The following FBXL18 variants were observed in gnomAD, a reference collection of about 807,000 sequenced individuals.
FBXL18 encodes F-box and leucine rich repeat protein 18.
FBXL18 carries 36 observed loss-of-function variants against 46.0 expected under a neutral mutation model. That is an observed-to-expected ratio of 0.78 (90% confidence interval 0.60 to 1.03). The LOEUF (loss-of-function observed/expected upper bound fraction) is 1.03. Among genes scored for constraint, FBXL18 ranks in the 50% least tolerant of loss-of-function variants. The pLI is 0.00. For synonymous variants in FBXL18, 557 were observed against 465.3 expected, an observed-to-expected ratio of 1.20 and a Z score of -2.54; for missense variants, 977 against 1,004.1, an observed-to-expected ratio of 0.97 and a Z score of 0.36.
At chr7:5,466,391 T>A (rs2128231536) in intron 4 of FBXL18, among the ~76,000 whole-genome samples, 1 of 152,276 alleles carries the variant, frequency 6.6e-6, no homozygotes, top group South Asian at 2.1e-4. Context: ...TTTCCTGGCC[T>A]TTGCCAGCTT....
rs953215942 is a variant in FBXL18, at chr7:5,481,134, C to T, written c.*641G>A. ...AGGCTCCAACCAGCAGTCCCAACCT[C>T]AGGGGACCTCTCTGGGGCCACAGGC... is the stretch of plus-strand genomic sequence containing the variant. On this transcript the variant is annotated 3_prime_UTR_variant, in exon 5 of 5. Transcript: ENST00000382368. The T allele has an allele frequency of 1.3e-5, 2 of 152,260 alleles. No individual in the cohort carries two copies. Among genetic ancestry groups the T allele is most frequent in the Non-Finnish European group, 1.5e-5 (1 of 68,142 alleles). The allele number at this position is 152,260 out of a possible 1,614,324, so 9.4% of individuals were successfully genotyped here.
chr7:5,462,037 C>G (rs928347766), intron 4 of FBXL18, among the ~76,000 whole-genome samples: 2 of 152,044 alleles, frequency 1.3e-5, no homozygotes, highest in African/African-American at 2.4e-5. Flanking sequence ...AGGTCGAGTT[C>G]GAGACTAGCC....
At chr7:5,483,692 C>G (rs548212490) in intron 4 of FBXL18, among the ~76,000 whole-genome samples, 5 of 151,434 alleles carry the variant, frequency 3.3e-5, no homozygotes, top group Non-Finnish European at 7.4e-5. Context: ...TGCAGTGAGC[C>G]GAGATTGCGC....
chr7:5,501,582 G>A lies in FBXL18; in HGVS notation c.687C>T (p.Asn229=). Residue 229 remains asparagine (N), a synonymous_variant, in exon 3 of 5, where the codon AAC becomes AAT. Transcript: ENST00000382368. ...CCAGGCGCGCATAGAAGACCCGCAG[G>A]TTCTGGTAGTGCGGCACGTTGCTCT... ...VGQSNVPHYQ[N]LRVFYARLAP... The A allele has an allele frequency of 6.2e-7, 1 of 1,613,926 alleles. No individual in the cohort carries two copies. Among genetic ancestry groups the A allele is most frequent in the Non-Finnish European group, 8.5e-7 (1 of 1,180,034 alleles).
chr7:5,505,979 C>T (rs1784385145), intron 1 of FBXL18, among the ~76,000 whole-genome samples: 1 of 152,118 alleles, frequency 6.6e-6, no homozygotes, highest in South Asian at 2.1e-4. Flanking sequence ...ATTCTCCTGC[C>T]TCAGCCTCCC....
rs1161016075 is a variant in FBXL18, at chr7:5,501,592, T to A, written c.677A>T (p.His226Leu). 1 of 1,613,738 alleles carries A rather than the reference T, an allele frequency of 6.2e-7. No homozygotes were observed. Among genetic ancestry groups the A allele is most frequent in the Admixed American group, 1.7e-5 (1 of 59,998 alleles). The change falls in exon 3 of 5, where the codon CAC becomes CTC. Residue 226 changes from histidine to leucine, a missense_variant. Physicochemically the swap from His to Leu is moderately conservative, Grantham distance 99. Transcript: ENST00000382368. ...ATAGAAGACCCGCAGGTTCTGGTAG[T>A]GCGGCACGTTGCTCTGGCCCACCAT... ...QLMVGQSNVP[H>L]YQNLRVFYAR...
At chr7:5,492,712 A>T (rs76013070) in intron 3 of FBXL18, among the ~76,000 whole-genome samples, 285 of 152,212 alleles carry the variant, frequency 1.9e-3, no homozygotes, top group African/African-American at 6.5e-3. Flanking sequence ...GAAGGCACAG[A>T]GATACCCAGA....
At chr7:5,491,051 GC>G (rs1296520033) in intron 4 of FBXL18, among the ~76,000 whole-genome samples, 179 bp downstream of exon 4, 1 of 152,220 alleles carries the variant, frequency 6.6e-6, no homozygotes, top group Non-Finnish European at 1.5e-5. Flanking sequence ...GCTAGGGAAT[GC>G]TCAAGGAGCA....
In FBXL18 at chr7:5,462,539, A is replaced by T. The variant is rs117498913; in HGVS notation, c.2001-14696T>A. ...GCAGGCAGTACCCAGCTCGCCATGG[A>T]TTGTGGCCAAATGAGGTTGAGAGAC... is the stretch of plus-strand genomic sequence containing the variant. On this transcript the variant is annotated intron_variant and NMD_transcript_variant, in intron 4 of 6. Coordinates refer to the FBXL18 transcript ENST00000415009. Among the ~76,000 whole-genome samples, 381 of 152,212 alleles carry T rather than the reference A, an allele frequency of 2.5e-3. 2 individuals are homozygous for T. In the East Asian group the frequency reaches 0.03, roughly 12 times the overall value.
intron 2 of FBXL18, among the ~76,000 whole-genome samples, chr7:5,504,534 G>A (rs1165472966): frequency 1.4e-5 from 2 of 144,412 alleles, no homozygotes; most frequent in African/African-American, 5.0e-5. Flanking sequence ...TCGAACTACT[G>A]ACCTCAGGTG....
chr7:5,470,703 GGGGAGATGT>G (rs1298855797), intron 4 of FBXL18, among the ~76,000 whole-genome samples: 9 of 1,176 alleles, frequency 7.7e-3, no homozygotes, highest in African/African-American at 0.062. Context: ...CCTTCCCGGG[GGGGAGATGT>G]CCCCTTCCCG....
chr7:5,487,168 G>C (rs764090943), intron 4 of FBXL18, among the ~76,000 whole-genome samples: 16 of 152,214 alleles, frequency 1.1e-4, no homozygotes, highest in Non-Finnish European at 2.1e-4. Flanking sequence ...AGGGAAGGCC[G>C]GTCAGACCCT....
chr7:5,510,545 G>A (rs1021674956), intron 1 of FBXL18, among the ~76,000 whole-genome samples: 4 of 151,818 alleles, frequency 2.6e-5, no homozygotes, highest in African/African-American at 9.7e-5. Context: ...AGCCAGGCAT[G>A]GTGGCACGTG....
At chr7:5,467,350 TA>T (rs887677424) in intron 4 of FBXL18, among the ~76,000 whole-genome samples, 1 of 147,026 alleles carries the variant, frequency 6.8e-6, no homozygotes, top group African/African-American at 2.5e-5. Context: ...GACTCCGTCT[TA>T]AAAAATAATA....
chr7:5,505,803 T>G (rs528563133), intron 1 of FBXL18, among the ~76,000 whole-genome samples, 173 bp from the exon 2 acceptor site: 1 of 152,210 alleles, frequency 6.6e-6, no homozygotes, highest in African/African-American at 2.4e-5. Flanking sequence ...AACTCCATTA[T>G]AGAGCTGTAA....
Position 5,489,838 on chromosome 7 carries a change from C to T in FBXL18, c.2000+1393G>A, listed in dbSNP as rs541083639. ...AGGTATAGTGGTGCACACTTGTAAT[C>T]CCAGCTGCTCAGGAGGCTGAGGTTG... On this transcript the variant is annotated intron_variant, in intron 4 of 4. Transcript: ENST00000382368. 7.7e-5 allele frequency: 31 copies of T among 401,396 alleles called. 1 individual carries two copies. The highest frequency in any genetic ancestry group is 8.0e-4 in the Middle Eastern group (2 of 2,504). 24.9% of individuals were successfully genotyped at this position (401,396 alleles called of 1,614,324 possible). A position where few individuals can be genotyped will look rare whatever the true frequency, so the allele number is the denominator to read the frequency against.
At position 5,505,424 on chromosome 7, in the gene FBXL18, T is replaced by C. The variant is rs907666481; in HGVS notation, c.225A>G (p.Gln75=). ...CACGCCTGCTCACCTGATAGTCCTT[T>C]TGCAGCAACACGGTGTGGATGAGGC... ...DKSLIHTVLL[Q]KDYQASEDKV... Residue 75 remains glutamine, a synonymous_variant, in exon 2 of 5, where the codon CAA becomes CAG. Coordinates refer to ENST00000382368, the MANE Select transcript of FBXL18 (RefSeq NM_024963.6). 1.1e-5 allele frequency: 17 copies of C among 1,614,002 alleles called. No individual in the cohort carries two copies. Among genetic ancestry groups the C allele is most frequent in the Non-Finnish European group, 1.4e-5 (17 of 1,180,014 alleles).
chr7:5,458,272 G>C (rs1783199443), intron 4 of FBXL18, among the ~76,000 whole-genome samples: 1 of 152,160 alleles, frequency 6.6e-6, no homozygotes, highest in Non-Finnish European at 1.5e-5. Context: ...GCTCTGTATA[G>C]AGAGGTTTCT....
intron 4 of FBXL18, among the ~76,000 whole-genome samples, chr7:5,462,368 C>G (rs1194733559): frequency 1.3e-5 from 2 of 152,222 alleles, no homozygotes; most frequent in African/African-American, 4.8e-5. Context: ...ATTACCTACC[C>G]CACTGTGGGT....
Sources: gnomAD v4.1 joint callset for allele counts (sites outside exome capture counted in the v4.1 genomes callset) on GRCh38, gnomAD v4.1.1 for gene constraint, MANE v1.5 for transcripts, NCBI Gene and HGNC (gene_info 2026-07-23, HGNC 2026-07-21) for gene names.